RBFOX2: variants seen among roughly 807,000 people sequenced by gnomAD.
RBFOX2 encodes the protein RNA binding fox-1 homolog 2, also known as RNA binding protein fox-1 homolog 2.
In RBFOX2, 10 loss-of-function variants were observed where a neutral mutation model predicts 49.1. That is an observed-to-expected ratio of 0.20 (90% confidence interval 0.13 to 0.35). The LOEUF (loss-of-function observed/expected upper bound fraction) is 0.35. Among genes scored for constraint, RBFOX2 ranks in the 10% least tolerant of loss-of-function variants. The pLI is 1.00. For synonymous variants in RBFOX2, 183 were observed against 187.4 expected, an observed-to-expected ratio of 0.98 and a Z score of 0.19; for missense variants, 323 against 486.9, an observed-to-expected ratio of 0.66 and a Z score of 3.17.
intron 1 of RBFOX2, among the ~76,000 whole-genome samples, chr22:35,958,456 T>C (rs541706412): frequency 3.7e-4 from 56 of 152,314 alleles, no homozygotes; most frequent in African/African-American, 1.2e-3. Flanking sequence ...CCTAAGTCCA[T>C]TAAGATCTGG....
At chr22:35,746,761 G>A (rs1450817146) in intron 9 of RBFOX2, 200 bp from the exon 12 acceptor site, 19 of 394,964 alleles carry the variant, frequency 4.8e-5, no homozygotes, top group South Asian at 1.4e-4. Flanking sequence ...TAAGCCCTAC[G>A]ATATGCAAGG....
At chr22:35,896,593 G>C (rs2047875373) in intron 1 of RBFOX2, among the ~76,000 whole-genome samples, 1 of 152,192 alleles carries the variant, frequency 6.6e-6, no homozygotes, top group African/African-American at 2.4e-5. Context: ...ACCTGCCATA[G>C]TGGGGTTTCT....
At chr22:36,023,439 T>A (rs542348906) in intron 1 of RBFOX2, among the ~76,000 whole-genome samples, 1 of 152,326 alleles carries the variant, frequency 6.6e-6, no homozygotes, top group East Asian at 1.9e-4. Context: ...TGCTGAAAGC[T>A]ATAAGTAATA....
chr22:35,847,473 T>C (rs1476888382), intron 1 of RBFOX2, among the ~76,000 whole-genome samples: 2 of 152,180 alleles, frequency 1.3e-5, no homozygotes, highest in African/African-American at 4.8e-5. Flanking sequence ...AATGGAAAGC[T>C]TGGATTTAAC....
At chr22:36,011,988 C>G (rs1294489026) in intron 1 of RBFOX2, among the ~76,000 whole-genome samples, 2 of 152,124 alleles carry the variant, frequency 1.3e-5, no homozygotes, top group Non-Finnish European at 2.9e-5. Flanking sequence ...TTTCTAGATG[C>G]CTTCAGCTCT....
At chr22:35,976,629 G>C (rs1431994581) in intron 1 of RBFOX2, among the ~76,000 whole-genome samples, 5 of 152,160 alleles carry the variant, frequency 3.3e-5, no homozygotes, top group Admixed American at 3.3e-4. Context: ...AAAAGGATTT[G>C]CTACATATAT....
intron 1 of RBFOX2, among the ~76,000 whole-genome samples, chr22:35,879,457 T>C (rs1285812131): frequency 6.6e-6 from 1 of 152,220 alleles, no homozygotes; most frequent in African/African-American, 2.4e-5. Flanking sequence ...CACACTATTT[T>C]ATATCAGGGA....
chr22:35,864,554 C>T (rs965907907), intron 1 of RBFOX2, among the ~76,000 whole-genome samples: 2 of 152,120 alleles, frequency 1.3e-5, no homozygotes, highest in African/African-American at 4.8e-5. Context: ...TCAAACTTCC[C>T]ACCCCCAAAA....
chr22:36,019,941 C>A (rs948189027), intron 1 of RBFOX2, among the ~76,000 whole-genome samples: 1 of 152,164 alleles, frequency 6.6e-6, no homozygotes, highest in African/African-American at 2.4e-5. Flanking sequence ...ATTGCCAAGA[C>A]AATCCTAAGC....
intron 1 of RBFOX2, among the ~76,000 whole-genome samples, chr22:35,860,643 C>T (rs2042997566): frequency 6.6e-6 from 1 of 152,202 alleles, no homozygotes; most frequent in African/African-American, 2.4e-5. Flanking sequence ...TGTTTTCCTT[C>T]TTCAAAGTTG....
intron 2 of RBFOX2, among the ~76,000 whole-genome samples, chr22:35,796,177 A>C (rs1948750032): frequency 6.6e-6 from 1 of 152,064 alleles, no homozygotes; most frequent in African/African-American, 2.4e-5. Flanking sequence ...CCCCACCTCC[A>C]TGTGGGAAAC....
At chr22:35,797,584 A>G (rs1344970571) in intron 2 of RBFOX2, among the ~76,000 whole-genome samples, 1 of 152,204 alleles carries the variant, frequency 6.6e-6, no homozygotes, top group Non-Finnish European at 1.5e-5. Flanking sequence ...AGTGAAGAAT[A>G]TGATGGCTGC....
intron 2 of RBFOX2, among the ~76,000 whole-genome samples, chr22:35,807,683 G>A (rs1951028227): frequency 1.3e-5 from 2 of 151,574 alleles, no homozygotes; most frequent in African/African-American, 4.8e-5. Context: ...CAAGAGGCTG[G>A]CAAAATAAAG....
At chr22:35,965,355 G>T (rs2056495369), upstream of RBFOX2, among the ~76,000 whole-genome samples, 1 of 152,126 alleles carries the variant, frequency 6.6e-6, no homozygotes, top group Non-Finnish European at 1.5e-5. Flanking sequence ...CCCAAATTAG[G>T]TTTTCCTAAA....
intron 3 of RBFOX2, 127 bp downstream of exon 4, chr22:35,781,473 C>T: frequency 8.0e-7 from 1 of 1,247,314 alleles, no homozygotes; most frequent in Non-Finnish European, 1.1e-6. Flanking sequence ...GATGAAAAGA[C>T]TGATTTACCT....
exon 1 of RBFOX2, chr22:36,028,435 C>T: frequency 2.5e-6 from 3 of 1,198,468 alleles, no homozygotes; most frequent in Non-Finnish European, 3.1e-6. Flanking sequence ...TCCGCCCGCG[C>T]CCCCCTCGCC....
chr22:35,873,778 A>G (rs773636772), intron 1 of RBFOX2, among the ~76,000 whole-genome samples: 1 of 152,006 alleles, frequency 6.6e-6, no homozygotes, highest in African/African-American at 2.4e-5. Context: ...CCTGGTTGAA[A>G]TGGTTATCAT....
intron 1 of RBFOX2, among the ~76,000 whole-genome samples, chr22:35,879,893 C>T (rs933041618): frequency 6.6e-6 from 1 of 152,178 alleles, no homozygotes; most frequent in Non-Finnish European, 1.5e-5. Flanking sequence ...CGGCAGCTCA[C>T]GCCTATAATC....
exon 12 of RBFOX2, chr22:35,739,694 T>TA (rs1484688785): frequency 6.6e-6 from 1 of 152,598 alleles, no homozygotes; most frequent in Non-Finnish European, 1.5e-5. Context: ...GAAACTCATG[T>TA]ACCCCCTGGG....
Sources: allele counts gnomAD v4.1 joint callset (sites outside exome capture counted in the v4.1 genomes callset), GRCh38; gene constraint gnomAD v4.1.1; transcripts MANE v1.5; gene names NCBI Gene and HGNC (gene_info 2026-07-23, HGNC 2026-07-21).